Variants in JAZF1 observed in about 807,000 individuals in gnomAD.
The protein encoded by JAZF1 is JAZF zinc finger 1, also known as juxtaposed with another zinc finger protein 1.
A neutral mutation model predicts 26.4 loss-of-function variants in JAZF1; 8 were observed. That is an observed-to-expected ratio of 0.30 (90% confidence interval 0.18 to 0.55). The LOEUF is 0.55. Among genes scored for constraint, JAZF1 ranks in the 20% least tolerant of loss-of-function variants. The pLI is 0.94. For synonymous variants in JAZF1, 126 were observed against 122.3 expected (o/e 1.03, Z -0.20); for missense variants, 199 against 322.0 (o/e 0.62, Z 2.92).
chr7:27,961,776 G>A (rs987705650), intron 2 of JAZF1, among the ~76,000 whole-genome samples: 3 of 152,126 alleles, frequency 2.0e-5, no homozygotes, highest in Non-Finnish European at 2.9e-5. Context: ...TAGGAGCTCC[G>A]GACAGAGCAA....
At position 27,846,453 on chromosome 7, in the gene JAZF1, C is replaced by T. The variant is rs753048361; in HGVS notation, c.386-5586G>A. 137 of 469,804 alleles carry T rather than the reference C, an allele frequency of 2.9e-4. 2 individuals are homozygous for T. In the Admixed American group the frequency reaches 3.2e-3, roughly 11 times the overall value. The allele number at this position is 469,804 out of a possible 1,614,324, so 29.1% of individuals were successfully genotyped here. A position where few individuals can be genotyped will look rare whatever the true frequency, so the allele number is the denominator to read the frequency against. Reference sequence around the variant, plus strand: ...CACAGATTCTTGGTGCATTCATCCACCGATGGACAAGTTGGTTGTTTCCAA... The same window carrying T: ...CACAGATTCTTGGTGCATTCATCCATCGATGGACAAGTTGGTTGTTTCCAA... On this transcript the variant is annotated intron_variant, in intron 3 of 4. Coordinates refer to ENST00000283928, the MANE Select transcript of JAZF1 (RefSeq NM_175061.4).
chr7:27,841,920 G>A (rs1002667105), intron 3 of JAZF1: 4 of 152,122 alleles, frequency 2.6e-5, no homozygotes, highest in African/African-American at 9.7e-5. Flanking sequence ...ACATTAATAA[G>A]AATTATATGG....
At chr7:27,922,867 A>G (rs1784554781) in intron 2 of JAZF1, among the ~76,000 whole-genome samples, 1 of 152,226 alleles carries the variant, frequency 6.6e-6, no homozygotes, top group Non-Finnish European at 1.5e-5. Flanking sequence ...TGGCAGTAAA[A>G]CATTATGATC....
At chr7:28,120,410 T>C (rs66537264) in intron 1 of JAZF1, among the ~76,000 whole-genome samples, 16,147 of 149,026 alleles carry the variant, frequency 0.11, 1,335 homozygotes, top group East Asian at 0.47. Context: ...AAGAAGTGAA[T>C]AGAAATATGA....
In JAZF1 at chr7:28,144,402, G is replaced by T. The variant is rs550569840; in HGVS notation, c.115+36061C>A. On this transcript the variant is annotated intron_variant, in intron 1 of 4. Coordinates refer to ENST00000283928, the MANE Select transcript of JAZF1 (RefSeq NM_175061.4). ...TTCTGTCTGGAATTGTAAGTTCTCA[G>T]TGTGTATACACTGCATTATTCAGTC... Among the ~76,000 whole-genome samples, 92 of 152,352 alleles carry T rather than the reference G, an allele frequency of 6.0e-4. 1 individual carries two copies. Among genetic ancestry groups the T allele is most frequent in the South Asian group, 1.4e-3 (7 of 4,828 alleles).
intron 1 of JAZF1, among the ~76,000 whole-genome samples, chr7:28,147,701 T>C (rs2127947331): frequency 6.7e-6 from 1 of 149,016 alleles, no homozygotes; most frequent in African/African-American, 2.5e-5. Flanking sequence ...AAAAAAAGTA[T>C]ATATACATAT....
At chr7:28,058,839 A>G (rs984021727) in intron 1 of JAZF1, among the ~76,000 whole-genome samples, 2 of 152,030 alleles carry the variant, frequency 1.3e-5, no homozygotes, top group African/African-American at 2.4e-5. Context: ...ATTGCAGTCA[A>G]TTTTCTCAAG....
At chr7:28,174,656 G>A (rs1783521033) in intron 1 of JAZF1, among the ~76,000 whole-genome samples, 1 of 152,182 alleles carries the variant, frequency 6.6e-6, no homozygotes, top group Non-Finnish European at 1.5e-5. Context: ...TTAGAAGCTT[G>A]TGAAACTTAT....
intron 1 of JAZF1, among the ~76,000 whole-genome samples, chr7:28,068,871 G>A (rs1272524433): frequency 6.6e-6 from 1 of 152,202 alleles, no homozygotes; most frequent in African/African-American, 2.4e-5. Context: ...GCAGCAAAGG[G>A]AGATGGTTTA....
intron 1 of JAZF1, among the ~76,000 whole-genome samples, chr7:28,169,748 A>G (rs1783423669): frequency 6.6e-6 from 1 of 152,146 alleles, no homozygotes; most frequent in African/African-American, 2.4e-5. Context: ...GCCTATTACC[A>G]TGGTGTTCAA....
intron 2 of JAZF1, among the ~76,000 whole-genome samples, chr7:27,982,613 G>A (rs972829745): frequency 3.3e-5 from 5 of 152,112 alleles, no homozygotes; most frequent in Non-Finnish European, 1.5e-5. Context: ...TGGTTCTCCC[G>A]GCACGGAGTT....
chr7:27,947,950 T>C (rs1482536508), intron 2 of JAZF1, among the ~76,000 whole-genome samples: 3 of 152,144 alleles, frequency 2.0e-5, no homozygotes, highest in Non-Finnish European at 1.5e-5. Context: ...GCTTTCCTAC[T>C]TCTCTTTTCT....
intron 1 of JAZF1, among the ~76,000 whole-genome samples, chr7:28,155,674 C>G (rs1783171287): frequency 6.6e-6 from 1 of 152,312 alleles, no homozygotes; most frequent in Non-Finnish European, 1.5e-5. Context: ...GCAACTACAA[C>G]CTCCACCTAA....
intron 1 of JAZF1, among the ~76,000 whole-genome samples, chr7:28,109,849 A>C (rs1355146071): frequency 6.6e-6 from 1 of 152,218 alleles, no homozygotes; most frequent in African/African-American, 2.4e-5. Flanking sequence ...ACAACTGAAG[A>C]GAGAATCAGC....
chr7:28,149,338 G>A (rs1007094199), intron 1 of JAZF1, among the ~76,000 whole-genome samples: 2 of 152,168 alleles, frequency 1.3e-5, no homozygotes, highest in African/African-American at 4.8e-5. Flanking sequence ...TATGTCGCCA[G>A]TGTCAAGAAA....
chr7:28,101,469 T>C lies in JAZF1; in HGVS notation c.115+78994A>G, dbSNP rs567191399. Reference sequence around the variant, plus strand: ...CATTTACAGTTTTGGCCAGTCATGGTGGCTCATGCCTGTAATTCTAGCACT... The same window carrying C: ...CATTTACAGTTTTGGCCAGTCATGGCGGCTCATGCCTGTAATTCTAGCACT... On this transcript the variant is annotated intron_variant, in intron 1 of 4. Coordinates refer to ENST00000283928, the MANE Select transcript of JAZF1 (RefSeq NM_175061.4). Among the ~76,000 whole-genome samples the C allele has an allele frequency of 2.6e-5, 4 of 151,226 alleles. No homozygotes were observed. The East Asian group carries it at 7.8e-4, about 29-fold the overall frequency.
At chr7:28,131,830 C>T (rs1288977834) in intron 1 of JAZF1, among the ~76,000 whole-genome samples, 2 of 152,124 alleles carry the variant, frequency 1.3e-5, no homozygotes, top group African/African-American at 2.4e-5. Flanking sequence ...AAAGTTTCTT[C>T]TGCTATGGGA....
intron 1 of JAZF1, among the ~76,000 whole-genome samples, chr7:28,048,660 T>C (rs1783536989): frequency 6.6e-6 from 1 of 152,216 alleles, no homozygotes; most frequent in East Asian, 1.9e-4. Context: ...ATTTCTTCTT[T>C]CACTGAAGAG....
chr7:27,832,184 GGATT>G lies in JAZF1; in HGVS notation c.*612_*615del, dbSNP rs1454242833. 351 of 211,356 alleles carry G rather than the reference GGATT, an allele frequency of 1.7e-3. No individual in the cohort carries two copies. Among genetic ancestry groups the G allele is most frequent in the African/African-American group, 7.3e-3 (321 of 44,162 alleles). The allele number at this position is 211,356 out of a possible 1,614,324, so 13.1% of individuals were successfully genotyped here. A position where few individuals can be genotyped will look rare whatever the true frequency, so the allele number is the denominator to read the frequency against. On this transcript the variant is annotated 3_prime_UTR_variant, in exon 5 of 5. Coordinates refer to ENST00000283928, the MANE Select transcript of JAZF1 (RefSeq NM_175061.4). The stretch of plus-strand genomic sequence containing the variant: ...ATTTTCAGCTTTTTAAAGGGCAAAA[GGATT>G]TGCAAGATAATATAAAACACAGAAA...
Sources: allele counts gnomAD v4.1 joint callset (sites outside exome capture counted in the v4.1 genomes callset), GRCh38; gene constraint gnomAD v4.1.1; transcripts MANE v1.5; gene names NCBI Gene and HGNC (gene_info 2026-07-23, HGNC 2026-07-21).